The following INSYN2B variants were observed in gnomAD, a reference collection of about 807,000 sequenced individuals.
INSYN2B encodes protein INSYN2B.
A neutral mutation model predicts 41.2 loss-of-function variants in INSYN2B; 16 were observed. That is an observed-to-expected ratio of 0.39 (90% CI 0.26 to 0.59). INSYN2B has a LOEUF of 0.59. Among genes scored for constraint, INSYN2B ranks in the 20% least tolerant of loss-of-function variants. The probability of loss-of-function intolerance (pLI) is 0.57; values close to 1 mark genes in which losing one functional copy is unlikely to be tolerated. For synonymous variants in INSYN2B, 245 were observed against 244.4 expected, an observed-to-expected ratio of 1.00 and a Z score of -0.02; for missense variants, 608 against 646.4, an observed-to-expected ratio of 0.94 and a Z score of 0.64.
intron 1 of INSYN2B, among the ~76,000 whole-genome samples, chr5:169,906,277 G>T (rs1337713913): frequency 6.6e-6 from 1 of 152,086 alleles, no homozygotes; most frequent in Non-Finnish European, 1.5e-5. Context: ...TATGTAAAAT[G>T]AGTATGATCA....
At chr5:169,928,475 C>G (rs1021040122) in intron 1 of INSYN2B, among the ~76,000 whole-genome samples, 2 of 152,218 alleles carry the variant, frequency 1.3e-5, no homozygotes, top group Non-Finnish European at 2.9e-5. Context: ...CTCCTCGCTT[C>G]CCCATGCATC....
rs577304720 is a variant in INSYN2B, at chr5:169,875,301, G to A, written c.1421+6067C>T. On this transcript the variant is annotated intron_variant, in intron 3 of 3. Transcript: ENST00000377365. ...TCAGTGGCTTTGGGGCTGAAACCCA[G>A]CAACAAGTTTCCATAGACACCCAGG... 689 of 456,672 alleles carry A rather than the reference G, an allele frequency of 1.5e-3. 1 individual carries two copies. The highest frequency in any genetic ancestry group is 2.3e-3 in the Non-Finnish European group (529 of 226,952). 28.3% of individuals were successfully genotyped at this position (456,672 alleles called of 1,614,324 possible).
chr5:169,972,583 AGATGATAG>A (rs1161962320), intron 1 of INSYN2B, among the ~76,000 whole-genome samples: 7 of 47,732 alleles, frequency 1.5e-4, no homozygotes, highest in South Asian at 4.5e-4. Flanking sequence ...ATAGATAGAT[AGATGATAG>A]ATAGATAGAT....
intron 1 of INSYN2B, among the ~76,000 whole-genome samples, chr5:169,950,073 T>A (rs2113723275): frequency 6.6e-6 from 1 of 152,308 alleles, no homozygotes; most frequent in Middle Eastern, 3.4e-3. Flanking sequence ...TTCTGAAGCA[T>A]GTTCAAGCCC....
At chr5:169,979,900 A>G (rs1209856145) in intron 1 of INSYN2B, among the ~76,000 whole-genome samples, 1 of 152,202 alleles carries the variant, frequency 6.6e-6, no homozygotes, top group African/African-American at 2.4e-5. Context: ...GGGGACTAGA[A>G]TCCCCCTCCC....
chr5:169,886,864 C>T (rs918584619), intron 1 of INSYN2B, among the ~76,000 whole-genome samples: 5 of 152,198 alleles, frequency 3.3e-5, no homozygotes, highest in African/African-American at 9.6e-5. Context: ...TTGTCTGAGG[C>T]TGGTTTTCAT....
At chr5:169,941,565 A>G (rs1288793085) in intron 1 of INSYN2B, among the ~76,000 whole-genome samples, 1 of 152,236 alleles carries the variant, frequency 6.6e-6, no homozygotes. Flanking sequence ...TGGGCTGCAC[A>G]GTGATGGAAA....
chr5:169,979,096 G>T (rs1483093009), intron 1 of INSYN2B, among the ~76,000 whole-genome samples: 3 of 152,144 alleles, frequency 2.0e-5, no homozygotes, highest in Admixed American at 6.5e-5. Flanking sequence ...CAGAATTTCT[G>T]CCCGGGATGA....
At position 169,882,895 on chromosome 5, in the gene INSYN2B, T is replaced by C; in HGVS notation, c.1004A>G (p.Asn335Ser). Residue 335 changes from asparagine to serine, a missense_variant, in exon 2 of 4, where the codon AAT becomes AGT. Physicochemically the swap from Asn to Ser is conservative, Grantham distance 46. Transcript: ENST00000377365. ...TTTGAGTGACACCAGATTCTGGTGA[T>C]TGTTACTTGATGAAGGACAGTCTGA... ...RASDCPSSSN[N>S]HQNLVSLKTN... 6.4e-7 allele frequency: 1 copy of C among 1,551,798 alleles called. No homozygotes were observed. The highest frequency in any genetic ancestry group is 8.7e-7 in the Non-Finnish European group (1 of 1,146,920).
intron 1 of INSYN2B, among the ~76,000 whole-genome samples, chr5:169,972,167 C>T (rs1457802655): frequency 1.3e-5 from 2 of 152,202 alleles, no homozygotes; most frequent in Non-Finnish European, 2.9e-5. Context: ...CTCTATCAAT[C>T]TTGTAGTTTC....
intron 3 of INSYN2B, among the ~76,000 whole-genome samples, chr5:169,879,902 A>G (rs1427550264): frequency 5.9e-5 from 9 of 152,170 alleles, no homozygotes; most frequent in Admixed American, 5.9e-4. Flanking sequence ...GGTAACAGAA[A>G]ATACATTATC....
chr5:169,957,870 TCCTTAAACATGCCTATTTG>T (rs1776931256), intron 1 of INSYN2B, among the ~76,000 whole-genome samples: 1 of 152,140 alleles, frequency 6.6e-6, no homozygotes, highest in Admixed American at 6.5e-5. Flanking sequence ...ATTTATTATT[TCCTTAAACATGCCTATTTG>T]CAGAGACACA....
At position 169,882,822 on chromosome 5, in the gene INSYN2B, T is replaced by A; in HGVS notation, c.1077A>T (p.Ala359=). Reference sequence around the variant, plus strand: ...GTGTGTCTGACTCGGTGGGGTTGTTTGCCGTCTGCTCCTGACACCCAGGGG... The same window carrying A: ...GTGTGTCTGACTCGGTGGGGTTGTTAGCCGTCTGCTCCTGACACCCAGGGG... ...KSAPGCQEQT[A]NNPTESDTLE... is the part of the protein sequence containing the mutation. Residue 359 remains alanine (A), a synonymous_variant, in exon 2 of 4, where the codon GCA becomes GCT. Coordinates refer to ENST00000377365, the MANE Select transcript of INSYN2B (RefSeq NM_001129891.3). The A allele has an allele frequency of 1.3e-6, 2 of 1,550,924 alleles. No homozygotes were observed. Among genetic ancestry groups the A allele is most frequent in the Non-Finnish European group, 1.7e-6 (2 of 1,146,450 alleles).
At position 169,883,212 on chromosome 5, in the gene INSYN2B, T is replaced by C. The variant is rs970508043; in HGVS notation, c.687A>G (p.Val229=). Reference sequence around the variant, plus strand: ...CATCCAAAGGGTGTATGGAGTTACTTACTTCAGCTGACCTGTCTGGGCTGA... The same window carrying C: ...CATCCAAAGGGTGTATGGAGTTACTCACTTCAGCTGACCTGTCTGGGCTGA... ...SALSPDRSAE[V]SNSIHPLDDT... Residue 229 remains valine (V), a synonymous_variant, in exon 2 of 4, where the codon GTA becomes GTG. Transcript: ENST00000377365. 6.4e-7 allele frequency: 1 copy of C among 1,551,614 alleles called. No individual in the cohort carries two copies.
intron 1 of INSYN2B, among the ~76,000 whole-genome samples, chr5:169,890,510 T>C (rs1343725310): frequency 2.0e-5 from 3 of 152,164 alleles, no homozygotes; most frequent in Admixed American, 2.0e-4. Context: ...GGAAAGCTAA[T>C]TTTCCAAATT....
intron 3 of INSYN2B, among the ~76,000 whole-genome samples, chr5:169,870,107 G>C (rs879688697): frequency 1.3e-5 from 2 of 152,192 alleles, no homozygotes; most frequent in African/African-American, 2.4e-5. Context: ...GTGGTTTAGG[G>C]ATGCTCAGTT....
chr5:169,918,183 A>C (rs184677651), intron 1 of INSYN2B, among the ~76,000 whole-genome samples: 1 of 152,298 alleles, frequency 6.6e-6, no homozygotes, highest in East Asian at 1.9e-4. Context: ...AAAATACAGA[A>C]ACCACATATG....
intron 1 of INSYN2B, among the ~76,000 whole-genome samples, chr5:169,895,088 G>C (rs1773522584): frequency 6.6e-6 from 1 of 152,170 alleles, no homozygotes; most frequent in Admixed American, 6.5e-5. Flanking sequence ...GCCTGTACAA[G>C]CTGTGAAGCC....
At chr5:169,886,340 A>G (rs984343758) in intron 1 of INSYN2B, among the ~76,000 whole-genome samples, 1 of 152,206 alleles carries the variant, frequency 6.6e-6, no homozygotes, top group African/African-American at 2.4e-5. Flanking sequence ...GTTGCTTTAC[A>G]TAAAAATTCC....
Sources: gnomAD v4.1 joint callset for allele counts (sites outside exome capture counted in the v4.1 genomes callset) on GRCh38, gnomAD v4.1.1 for gene constraint, MANE v1.5 for transcripts, NCBI Gene and HGNC (gene_info 2026-07-23, HGNC 2026-07-21) for gene names.